MCTP2: variants seen among roughly 807,000 people sequenced by gnomAD.
MCTP2 encodes multiple C2 and transmembrane domain containing 2.
MCTP2 carries 132 observed loss-of-function variants against 111.6 expected under a neutral mutation model. That is an observed-to-expected ratio of 1.18 (90% CI 1.03 to 1.37). The LOEUF (loss-of-function observed/expected upper bound fraction) is 1.37. MCTP2 is among the 40% of genes most tolerant of loss of function. MCTP2 has a pLI of 0.00. For synonymous variants in MCTP2, 395 were observed against 387.7 expected, an observed-to-expected ratio of 1.02 and a Z score of -0.22; for missense variants, 1,183 against 1,067.9, an observed-to-expected ratio of 1.11 and a Z score of -1.50.
intron 1 of MCTP2, among the ~76,000 whole-genome samples, chr15:94,243,621 A>G (rs1328685689): frequency 2.7e-5 from 4 of 149,204 alleles, no homozygotes; most frequent in African/African-American, 9.9e-5. Context: ...ATATGTGTAT[A>G]TACGCATATG....
intron 1 of MCTP2, among the ~76,000 whole-genome samples, chr15:94,293,673 A>G (rs930436213): frequency 6.6e-6 from 1 of 152,198 alleles, no homozygotes; most frequent in Admixed American, 6.5e-5. Flanking sequence ...GGCTATGCAC[A>G]TACCTATTAG....
intron 17 of MCTP2, among the ~76,000 whole-genome samples, chr15:94,412,263 G>A (rs1212038570): frequency 6.6e-6 from 1 of 151,202 alleles, no homozygotes; most frequent in Non-Finnish European, 1.5e-5. Flanking sequence ...AGTACAAACT[G>A]CATATACACA....
intron 1 of MCTP2, among the ~76,000 whole-genome samples, chr15:94,254,912 C>T (rs2072669124): frequency 6.6e-6 from 1 of 152,136 alleles, no homozygotes; most frequent in South Asian, 2.1e-4. Flanking sequence ...TGTATTATTC[C>T]TCTAAAGCTT....
rs375245542 is a variant in MCTP2, at chr15:94,378,938, C to T, written c.1583-5084C>T. On this transcript the variant is annotated intron_variant, in intron 12 of 22. Transcript: ENST00000357742. Reference sequence around the variant, plus strand: ...CAGTTGTTGAATATATGAACAGGTACATCATACAGCAGGCATTATAATGTC... The same window carrying T: ...CAGTTGTTGAATATATGAACAGGTATATCATACAGCAGGCATTATAATGTC... Among the ~76,000 whole-genome samples the T allele has an allele frequency of 6.0e-4, 92 of 152,280 alleles. 1 individual carries two copies. The South Asian group carries it at 0.018, about 30-fold the overall frequency.
chr15:94,266,904 G>C (rs2073568314), intron 1 of MCTP2, among the ~76,000 whole-genome samples: 1 of 152,202 alleles, frequency 6.6e-6, no homozygotes, highest in Non-Finnish European at 1.5e-5. Flanking sequence ...TGAGGGACTT[G>C]GAAGACATTT....
chr15:94,310,566 A>T (rs1273566239), intron 2 of MCTP2, among the ~76,000 whole-genome samples: 1 of 152,104 alleles, frequency 6.6e-6, no homozygotes, highest in Non-Finnish European at 1.5e-5. Flanking sequence ...AGGCGGGAAG[A>T]TCGCTTAAGG....
At chr15:94,256,783 A>C (rs959962608) in intron 1 of MCTP2, among the ~76,000 whole-genome samples, 5 of 152,204 alleles carry the variant, frequency 3.3e-5, no homozygotes, top group African/African-American at 1.2e-4. Flanking sequence ...CTGAAATCTG[A>C]ATAACCAGGA....
chr15:94,434,119 G>A (rs1260212114), intron 17 of MCTP2, among the ~76,000 whole-genome samples: 1 of 151,510 alleles, frequency 6.6e-6, no homozygotes, highest in Non-Finnish European at 1.5e-5. Flanking sequence ...TTTGTGGTGG[G>A]GGGTTGCTGT....
chr15:94,450,166 CAGAT>C (rs2084353376), intron 19 of MCTP2, among the ~76,000 whole-genome samples: 2 of 151,804 alleles, frequency 1.3e-5, no homozygotes, highest in Non-Finnish European at 1.5e-5. Context: ...ATGTAATGAA[CAGAT>C]AGAGCAATAT....
intron 1 of MCTP2, among the ~76,000 whole-genome samples, chr15:94,244,275 C>A (rs558689346): frequency 7.0e-6 from 1 of 142,504 alleles, no homozygotes; most frequent in East Asian, 2.1e-4. Context: ...TATATACACA[C>A]ATATATACAC....
chr15:94,447,143 C>T (rs1002964401), intron 19 of MCTP2, among the ~76,000 whole-genome samples: 6 of 152,164 alleles, frequency 3.9e-5, no homozygotes, highest in African/African-American at 1.4e-4. Context: ...CAGACAGGGC[C>T]TTCTTAGTGG....
At chr15:94,464,244 A>ATATATTATATATATAT (rs2085399322) in intron 20 of MCTP2, among the ~76,000 whole-genome samples, 1 of 60,428 alleles carries the variant, frequency 1.7e-5, no homozygotes, top group Non-Finnish European at 3.4e-5. Flanking sequence ...TATATAATAT[A>ATATATTATATATATAT]TATATATATA....
chr15:94,320,063 T>C (rs1036482515), intron 4 of MCTP2, among the ~76,000 whole-genome samples: 2 of 152,192 alleles, frequency 1.3e-5, no homozygotes, highest in Admixed American at 6.5e-5. Flanking sequence ...CATATACCTT[T>C]ATCCTTAATT....
chr15:94,257,648 A>G (rs1365286392), intron 1 of MCTP2, among the ~76,000 whole-genome samples: 20 of 122,994 alleles, frequency 1.6e-4, no homozygotes, highest in African/African-American at 6.0e-4. Flanking sequence ...GTGCAGCGGC[A>G]TGATCTCGGC....
intron 14 of MCTP2, among the ~76,000 whole-genome samples, chr15:94,397,458 G>A (rs959708564): frequency 6.6e-6 from 1 of 152,182 alleles, no homozygotes; most frequent in East Asian, 1.9e-4. Context: ...GGCTGTTTTT[G>A]TATTTATTTC....
At chr15:94,443,843 C>T (rs1424591575) in intron 19 of MCTP2, among the ~76,000 whole-genome samples, 2 of 151,692 alleles carry the variant, frequency 1.3e-5, no homozygotes, top group Non-Finnish European at 2.9e-5. Flanking sequence ...GGAAAATGAC[C>T]TTTTTCAGAA....
intron 20 of MCTP2, among the ~76,000 whole-genome samples, chr15:94,465,266 A>G (rs531979710): frequency 1.3e-5 from 2 of 152,218 alleles, no homozygotes; most frequent in East Asian, 1.9e-4. Context: ...GTAGTCCCCT[A>G]TTATCCATGG....
intron 1 of MCTP2, among the ~76,000 whole-genome samples, chr15:94,237,854 T>C (rs1024576284): frequency 7.9e-5 from 12 of 152,282 alleles, no homozygotes; most frequent in Middle Eastern, 6.8e-3. Context: ...CTCTCCACAA[T>C]TTTTTATCTT....
chr15:94,341,069 T>G, intron 7 of MCTP2, 145 bp downstream of exon 7: 1 of 594,622 alleles, frequency 1.7e-6, no homozygotes, highest in Non-Finnish European at 3.0e-6. Flanking sequence ...AGTCTTAAAA[T>G]ATCTGTTTTT....
Sources: gnomAD v4.1 joint callset for allele counts (sites outside exome capture counted in the v4.1 genomes callset) on GRCh38, gnomAD v4.1.1 for gene constraint, MANE v1.5 for transcripts, NCBI Gene and HGNC (gene_info 2026-07-23, HGNC 2026-07-21) for gene names.